The following PDE4D variants were observed in gnomAD, a reference collection of about 807,000 sequenced individuals.
PDE4D encodes 3',5'-cyclic-AMP phosphodiesterase 4D.
A neutral mutation model predicts 87.4 loss-of-function variants in PDE4D; 24 were observed. The ratio of observed to expected loss-of-function variants is 0.27; its 90% CI spans 0.20 to 0.39. The LOEUF (loss-of-function observed/expected upper bound fraction) is 0.39. Among genes scored for constraint, PDE4D ranks in the 10% least tolerant of loss-of-function variants. The pLI, the probability that PDE4D is intolerant of heterozygous loss-of-function variation, is 1.00. For synonymous variants in PDE4D, 384 were observed against 383.2 expected (o/e 1.00, Z -0.02); for missense variants, 714 against 1,041.0 (o/e 0.69, Z 4.32).
At chr5:59,897,578 T>G (rs1377268081), upstream of PDE4D, among the ~76,000 whole-genome samples, 1 of 152,134 alleles carries the variant, frequency 6.6e-6, no homozygotes, top group Non-Finnish European at 1.5e-5. Context: ...ATTAGGTATT[T>G]CTCCTAATGC....
At chr5:59,701,685 A>G (rs1390757252) in intron 1 of PDE4D, among the ~76,000 whole-genome samples, 2 of 152,226 alleles carry the variant, frequency 1.3e-5, no homozygotes, top group African/African-American at 4.8e-5. Flanking sequence ...GAAGACTCCA[A>G]GAGGAGCAAC....
intron 3 of PDE4D, among the ~76,000 whole-genome samples, chr5:59,941,790 C>A (rs567999219): frequency 1.3e-5 from 2 of 152,144 alleles, no homozygotes; most frequent in African/African-American, 4.8e-5. Flanking sequence ...TGGTGTGGAA[C>A]CCCCACCTCA....
intron 1 of PDE4D, among the ~76,000 whole-genome samples, chr5:59,376,509 A>T (rs370823879): frequency 2.0e-5 from 3 of 152,196 alleles, no homozygotes; most frequent in East Asian, 1.9e-4. Context: ...GGAGAACTAC[A>T]TAACACTGCT....
intron 1 of PDE4D, among the ~76,000 whole-genome samples, chr5:59,442,867 G>A (rs539967294): frequency 5.9e-5 from 9 of 152,244 alleles, no homozygotes; most frequent in African/African-American, 1.7e-4. Flanking sequence ...TTATATCACC[G>A]AATTAGTTGT....
chr5:60,406,111 C>T (rs1423247), intron 1 of PDE4D, among the ~76,000 whole-genome samples: 59,534 of 151,918 alleles, frequency 0.39, 14,000 homozygotes, highest in African/African-American at 0.65. Flanking sequence ...AAGATATTTC[C>T]TGCTAAATCA....
intron 1 of PDE4D, among the ~76,000 whole-genome samples, chr5:59,716,977 G>A (rs1755121033): frequency 6.6e-6 from 1 of 152,224 alleles, no homozygotes; most frequent in Non-Finnish European, 1.5e-5. Flanking sequence ...ATGGATGCAA[G>A]CATGTTATTA....
chr5:60,416,439 G>A (rs1742570579), intron 1 of PDE4D, among the ~76,000 whole-genome samples: 1 of 152,264 alleles, frequency 6.6e-6, no homozygotes, highest in East Asian at 1.9e-4. Context: ...TCACTGCAAA[G>A]GTCTGCAGCT....
chr5:60,169,696 G>A (rs1039010485), intron 2 of PDE4D, among the ~76,000 whole-genome samples: 5 of 151,958 alleles, frequency 3.3e-5, no homozygotes, highest in African/African-American at 4.8e-5. Context: ...TAGTTAAGAC[G>A]TATTCATGTT....
At chr5:59,831,793 T>C (rs972673697) in intron 1 of PDE4D, among the ~76,000 whole-genome samples, 1 of 152,052 alleles carries the variant, frequency 6.6e-6, no homozygotes, top group Admixed American at 6.6e-5. Flanking sequence ...GGTTGCCTAG[T>C]AGTTAGTCTC....
chr5:59,881,985 A>G (rs192429058), intron 1 of PDE4D, among the ~76,000 whole-genome samples: 7 of 152,336 alleles, frequency 4.6e-5, no homozygotes, highest in Middle Eastern at 3.4e-3. Context: ...AAAGAAGCAC[A>G]TAATTCAACA....
intron 1 of PDE4D, among the ~76,000 whole-genome samples, chr5:59,622,657 C>G (rs565211845): frequency 6.6e-6 from 1 of 152,282 alleles, no homozygotes; most frequent in East Asian, 1.9e-4. Flanking sequence ...TAAGGAAGAC[C>G]TACTGTAGTT....
intron 1 of PDE4D, among the ~76,000 whole-genome samples, chr5:59,335,418 A>G (rs1254260848): frequency 6.6e-6 from 1 of 152,168 alleles, no homozygotes; most frequent in Non-Finnish European, 1.5e-5. Flanking sequence ...AACTGCATCT[A>G]TTTCACAGTC....
At chr5:60,210,382 T>A (rs894347750) in intron 1 of PDE4D, among the ~76,000 whole-genome samples, 1 of 151,980 alleles carries the variant, frequency 6.6e-6, no homozygotes, top group African/African-American at 2.4e-5. Context: ...TAAAACCACA[T>A]GCTAAAATAA....
chr5:59,450,852 C>T (rs139149305), intron 1 of PDE4D, among the ~76,000 whole-genome samples: 94 of 152,256 alleles, frequency 6.2e-4, no homozygotes, highest in African/African-American at 1.3e-3. Flanking sequence ...TTCTCTGATA[C>T]GCAGCTTCAT....
In PDE4D at chr5:59,453,095, A is replaced by C. The variant is rs753560057; in HGVS notation, c.456-237127T>G. Among the ~76,000 whole-genome samples, 122 of 152,070 alleles carry C rather than the reference A, an allele frequency of 8.0e-4. 1 individual carries two copies. The highest frequency in any genetic ancestry group is 1.3e-3 in the Non-Finnish European group (89 of 68,016). On this transcript the variant is annotated intron_variant, in intron 1 of 14. Coordinates refer to ENST00000340635, the MANE Select transcript of PDE4D (RefSeq NM_001104631.2). ...ATTCTTGCAATATTTCAAACTTTTA[A>C]AATTATTTTAATACCTATTATGGTG...
chr5:59,884,506 A>T (rs1749889799), intron 1 of PDE4D, among the ~76,000 whole-genome samples: 1 of 151,996 alleles, frequency 6.6e-6, no homozygotes, highest in Non-Finnish European at 1.5e-5. Context: ...ATACATACAG[A>T]TCTCAATACA....
At chr5:59,265,019 G>C (rs774057430) in intron 1 of PDE4D, among the ~76,000 whole-genome samples, 55 of 152,102 alleles carry the variant, frequency 3.6e-4, no homozygotes, top group Non-Finnish European at 7.4e-4. Context: ...CAGCTCCAGG[G>C]AGATAATAAT....
chr5:59,676,511 A>AACC, intron 1 of PDE4D, among the ~76,000 whole-genome samples: 1 of 152,324 alleles, frequency 6.6e-6, no homozygotes, highest in African/African-American at 2.4e-5. Context: ...TCAACTAATA[A>AACC]ACCAACAGAG....
At chr5:59,303,477 T>C (rs1019029342) in intron 1 of PDE4D, among the ~76,000 whole-genome samples, 5 of 152,150 alleles carry the variant, frequency 3.3e-5, no homozygotes, top group Admixed American at 3.3e-4. Context: ...AGCCAATGTC[T>C]AGAAGGGTTT....
Sources: allele counts gnomAD v4.1 joint callset (sites outside exome capture counted in the v4.1 genomes callset), GRCh38; gene constraint gnomAD v4.1.1; transcripts MANE v1.5; gene names NCBI Gene and HGNC (gene_info 2026-07-23, HGNC 2026-07-21).